The following PRKG1 variants were observed in gnomAD, a reference collection of about 807,000 sequenced individuals.
PRKG1 encodes the protein protein kinase cGMP-dependent 1.
Under a neutral mutation model 88.1 loss-of-function variants are expected in PRKG1, and 35 were observed. The ratio of observed to expected loss-of-function variants is 0.40; its 90% CI spans 0.30 to 0.53. The LOEUF is 0.53. Ranked by LOEUF, PRKG1 falls within the 20% of genes least tolerant of loss-of-function variation. The probability of loss-of-function intolerance (pLI) is 0.59; values close to 1 mark genes in which losing one functional copy is unlikely to be tolerated. For missense variants in PRKG1, 540 were observed against 839.8 expected, an observed-to-expected ratio of 0.64 and a Z score of 4.41; for synonymous variants, 303 against 292.5, an observed-to-expected ratio of 1.04 and a Z score of -0.37.
intron 3 of PRKG1, among the ~76,000 whole-genome samples, chr10:51,631,869 A>G (rs1839535217): frequency 6.6e-6 from 1 of 152,184 alleles, no homozygotes; most frequent in Non-Finnish European, 1.5e-5. Flanking sequence ...TGTGAGGAAC[A>G]TGTTTGTAAC....
chr10:51,209,962 ACTTT>A (rs1838167953), intron 2 of PRKG1, among the ~76,000 whole-genome samples: 1 of 152,072 alleles, frequency 6.6e-6, no homozygotes, highest in Admixed American at 6.6e-5. Context: ...TTCAAATCAT[ACTTT>A]CTTTCTGGCA....
intron 4 of PRKG1, among the ~76,000 whole-genome samples, chr10:51,833,809 T>C (rs1278951035): frequency 6.6e-5 from 10 of 152,222 alleles, no homozygotes; most frequent in Admixed American, 5.2e-4. Flanking sequence ...CCTATCTAAC[T>C]GAAACTTTTA....
At chr10:51,916,078 C>T (rs922378434) in intron 5 of PRKG1, among the ~76,000 whole-genome samples, 10 of 152,198 alleles carry the variant, frequency 6.6e-5, no homozygotes, top group East Asian at 1.9e-4. Context: ...GGGGTTACCG[C>T]GTTGTCAGAG....
chr10:51,324,329 G>A (rs4935240), intron 2 of PRKG1, among the ~76,000 whole-genome samples: 29,078 of 151,782 alleles, frequency 0.19, 3,448 homozygotes, highest in East Asian at 0.35. Flanking sequence ...TAGCTCCCAC[G>A]TGTGAAAGGA....
chr10:51,458,098 T>C (rs1839638448), intron 2 of PRKG1, among the ~76,000 whole-genome samples: 1 of 152,208 alleles, frequency 6.6e-6, no homozygotes, highest in East Asian at 1.9e-4. Flanking sequence ...GGTAGATAAG[T>C]GCTTGTTGTA....
intron 4 of PRKG1, among the ~76,000 whole-genome samples, chr10:51,872,209 A>G (rs1841175554): frequency 6.6e-6 from 1 of 152,200 alleles, no homozygotes; most frequent in Admixed American, 6.5e-5. Context: ...TATCAGATTC[A>G]CATCCCAGTT....
At chr10:52,162,035 G>A in intron 9 of PRKG1, 72 bp downstream of exon 9, 2 of 1,322,562 alleles carry the variant, frequency 1.5e-6, no homozygotes, top group East Asian at 2.3e-5. Flanking sequence ...TATTTTGTTG[G>A]ACTTGACACA....
At chr10:52,037,653 G>GCCACCTTTATTACTTCAATCAAGC (rs1293348015) in intron 5 of PRKG1, among the ~76,000 whole-genome samples, 4 of 152,194 alleles carry the variant, frequency 2.6e-5, no homozygotes, top group Non-Finnish European at 5.9e-5. Flanking sequence ...TTTGGCTCCA[G>GCCACCTTTATTACTTCAATCAAGC]CCACCTTTTT....
intron 7 of PRKG1, among the ~76,000 whole-genome samples, chr10:52,118,596 T>C (rs1013172158): frequency 6.6e-6 from 1 of 152,076 alleles, no homozygotes; most frequent in Non-Finnish European, 1.5e-5. Context: ...TCAAATGCCA[T>C]GTTTGCTTTT....
intron 1 of PRKG1, among the ~76,000 whole-genome samples, chr10:51,138,445 C>T (rs1354530713): frequency 1.3e-5 from 2 of 152,112 alleles, no homozygotes; most frequent in African/African-American, 2.4e-5. Context: ...TATTGCCTGC[C>T]TTTCTGCAAA....
intron 2 of PRKG1, among the ~76,000 whole-genome samples, chr10:51,399,382 C>A (rs1031464101): frequency 6.6e-6 from 1 of 152,006 alleles, no homozygotes; most frequent in Non-Finnish European, 1.5e-5. Flanking sequence ...GGGAAATTCA[C>A]TGCAGTCTAA....
chr10:51,680,959 G>T (rs190605771), intron 3 of PRKG1, among the ~76,000 whole-genome samples: 1 of 152,240 alleles, frequency 6.6e-6, no homozygotes, highest in East Asian at 1.9e-4. Flanking sequence ...ATTATGTAAG[G>T]ATCTATTAAA....
chr10:52,082,973 G>T (rs993228310), intron 7 of PRKG1, among the ~76,000 whole-genome samples: 1 of 151,968 alleles, frequency 6.6e-6, no homozygotes, highest in African/African-American at 2.4e-5. Context: ...GATATATGCT[G>T]GATATTTGCA....
At chr10:51,121,918 A>G (rs930004990) in intron 1 of PRKG1, among the ~76,000 whole-genome samples, 4 of 152,174 alleles carry the variant, frequency 2.6e-5, no homozygotes, top group Non-Finnish European at 4.4e-5. Flanking sequence ...ACACTGCTAC[A>G]CTTATTGCAT....
rs200670841 is a variant in PRKG1, at chr10:52,238,609, A to C, written c.1077-12961A>C. On this transcript the variant is annotated intron_variant, in intron 9 of 17. Coordinates refer to ENST00000373980, the MANE Select transcript of PRKG1 (RefSeq NM_006258.4). ...TAGCCATCAGAGAAATGCAAATCAA[A>C]ACCACTATGAAATACCATCTCACAC... Among the ~76,000 whole-genome samples, 308 of 145,944 alleles carry C rather than the reference A, an allele frequency of 2.1e-3. 2 individuals are homozygous for C. In the East Asian group the frequency reaches 0.026, roughly 12 times the overall value.
chr10:51,088,783 T>C (rs1844321985), intron 1 of PRKG1, among the ~76,000 whole-genome samples: 1 of 151,494 alleles, frequency 6.6e-6, no homozygotes, highest in Non-Finnish European at 1.5e-5. Flanking sequence ...CAGAAATGGA[T>C]GGCACACAGT....
At chr10:51,908,725 C>CTATCTATATATATATATATATATATA (rs1299574623) in intron 5 of PRKG1, 5 of 60,578 alleles carry the variant, frequency 8.3e-5, no homozygotes. Flanking sequence ...GTCTATCTAT[C>CTATCTATATATATATATATATATATA]TATATGTAAT....
chr10:51,938,656 C>T lies in PRKG1; in HGVS notation c.762+31086C>T, dbSNP rs149845430. ...CACCCCTCTTCCCACTGAGAAGACACCTGCACATGTGATGTCCTCCAAGGA... is the reference window on the plus strand; with the variant it reads ...CACCCCTCTTCCCACTGAGAAGACATCTGCACATGTGATGTCCTCCAAGGA... On this transcript the variant is annotated intron_variant, in intron 5 of 17. Coordinates refer to ENST00000373980, the MANE Select transcript of PRKG1 (RefSeq NM_006258.4). Among the ~76,000 whole-genome samples the T allele has an allele frequency of 4.9e-3, 738 of 152,044 alleles. 2 individuals are homozygous for T. The highest frequency in any genetic ancestry group is 0.016 in the African/African-American group (684 of 41,518).
chr10:51,311,499 A>T (rs1388950033), intron 2 of PRKG1, among the ~76,000 whole-genome samples: 1 of 152,190 alleles, frequency 6.6e-6, no homozygotes, highest in Non-Finnish European at 1.5e-5. Context: ...CGTGGAGAAC[A>T]TTGGCAGTTG....
Sources: allele counts gnomAD v4.1 joint callset (sites outside exome capture counted in the v4.1 genomes callset), GRCh38; gene constraint gnomAD v4.1.1; transcripts MANE v1.5; gene names NCBI Gene and HGNC (gene_info 2026-07-23, HGNC 2026-07-21).